The following TRHDE variants were observed in gnomAD, a reference collection of about 807,000 sequenced individuals.
The protein encoded by TRHDE is thyrotropin releasing hormone degrading enzyme.
Under a neutral mutation model 125.7 loss-of-function variants are expected in TRHDE, and 72 were observed. That is an observed-to-expected ratio of 0.57 (90% CI 0.47 to 0.70). The LOEUF (loss-of-function observed/expected upper bound fraction) is 0.70. Among genes scored for constraint, TRHDE ranks in the 30% least tolerant of loss-of-function variants. The pLI is 0.00. For missense variants in TRHDE, 1,110 were observed against 1,327.1 expected (o/e 0.84, Z 2.54); for synonymous variants, 509 against 509.1 (o/e 1.00, Z 0.00).
Position 72,273,638 on chromosome 12 carries a change from C to G in TRHDE, c.914+81C>G. The G allele has an allele frequency of 7.2e-7, 1 of 1,384,288 alleles. No homozygotes were observed. Among genetic ancestry groups the G allele is most frequent in the South Asian group, 1.4e-5 (1 of 73,698 alleles). The allele number at this position is 1,384,288 out of a possible 1,614,324, so 85.8% of individuals were successfully genotyped here. A position where few individuals can be genotyped will look rare whatever the true frequency, so the allele number is the denominator to read the frequency against. ...CTGGGCGGCCTGCGACCCCGGGGAC[C>G]CAGCTGGCTTCCAATACCCGGGAAG... is the stretch of plus-strand genomic sequence containing the variant. On this transcript the variant is annotated intron_variant, in intron 1 of 18. Coordinates refer to ENST00000261180, the MANE Select transcript of TRHDE (RefSeq NM_013381.3). This position sits in a 1 kb window ranked among gnomAD's most constrained non-coding sequence, Gnocchi z 5.3.
In TRHDE at chr12:72,296,484, TC is replaced by T. The variant is rs201721219; in HGVS notation, c.1188+9531del. On this transcript the variant is annotated intron_variant, in intron 2 of 18. Coordinates refer to ENST00000261180, the MANE Select transcript of TRHDE (RefSeq NM_013381.3). ...CAGAAAGACAAAGAACTGTCTCTGT[TC>T]TCCATTAGGAAAGCAGTGCCTGAGT... Among the ~76,000 whole-genome samples, 1,157 of 151,950 alleles carry T rather than the reference TC, an allele frequency of 7.6e-3. 7 individuals are homozygous for T. Among genetic ancestry groups the T allele is most frequent in the Non-Finnish European group, 0.013 (882 of 68,006 alleles).
In TRHDE at chr12:72,621,743, C is replaced by G; in HGVS notation, c.2667C>G (p.Asn889Lys). ...STLISDWISS[N>K]RNRIPLNVRD... ...TTATTTCAGATTGGATTTCCAGCAA[C>G]AGGAACAGGTAAACTGAGCCAAATC... Residue 889 changes from asparagine to lysine, a missense_variant, in exon 15 of 19, where the codon AAC becomes AAG. Asn to Lys is a moderately conservative substitution (Grantham distance 94, BLOSUM62 0). Coordinates refer to ENST00000261180, the MANE Select transcript of TRHDE (RefSeq NM_013381.3). 1.9e-6 allele frequency: 3 copies of G among 1,603,026 alleles called. No homozygotes were observed. The highest frequency in any genetic ancestry group is 2.6e-6 in the Non-Finnish European group (3 of 1,175,858).
upstream of TRHDE, chr12:72,272,313 G>A (rs1003267540): frequency 5.0e-5 from 18 of 361,426 alleles, no homozygotes; most frequent in Admixed American, 1.5e-4. The surrounding 1 kb of genome is among the most constrained non-coding windows in gnomAD (Gnocchi z 6.7). Context: ...GGAGAGCCGG[G>A]AGCCGCAGGC....
At chr12:72,128,196 G>T (rs997909172) in intron 2 of TRHDE, among the ~76,000 whole-genome samples, 1 of 152,042 alleles carries the variant, frequency 6.6e-6, no homozygotes, top group Non-Finnish European at 1.5e-5. Flanking sequence ...CTCAGTAGTG[G>T]GAAATAATTA....
chr12:72,396,169 A>G (rs562656001), intron 3 of TRHDE, among the ~76,000 whole-genome samples: 11 of 152,336 alleles, frequency 7.2e-5, no homozygotes, highest in African/African-American at 2.6e-4. Context: ...AATTATCTTT[A>G]AACAAACAGG....
chr12:72,344,717 A>T (rs892613112), intron 2 of TRHDE, among the ~76,000 whole-genome samples: 5 of 152,058 alleles, frequency 3.3e-5, no homozygotes, highest in African/African-American at 1.2e-4. Context: ...CCCCTAATAC[A>T]TGCAGAAGTG....
At chr12:72,654,897 C>G (rs1874646594) in intron 17 of TRHDE, among the ~76,000 whole-genome samples, 2 of 152,116 alleles carry the variant, frequency 1.3e-5, no homozygotes, top group African/African-American at 4.8e-5. Flanking sequence ...AGCCTCTTCC[C>G]TTCATCCCAA....
chr12:72,398,078 G>T (rs1872879422), intron 3 of TRHDE, among the ~76,000 whole-genome samples: 1 of 149,924 alleles, frequency 6.7e-6, no homozygotes, highest in South Asian at 2.1e-4. Flanking sequence ...GTGAGAATAT[G>T]AGGTGTTTGG....
chr12:72,643,244 A>AT (rs1344341263), intron 15 of TRHDE, among the ~76,000 whole-genome samples: 1 of 152,168 alleles, frequency 6.6e-6, no homozygotes, highest in East Asian at 1.9e-4. Flanking sequence ...CTTCCCTGAT[A>AT]TTTTGAGGAT....
chr12:72,363,868 A>G (rs2135755111), intron 2 of TRHDE, among the ~76,000 whole-genome samples: 1 of 152,134 alleles, frequency 6.6e-6, no homozygotes, highest in Admixed American at 6.5e-5. Context: ...ATATCTAGAA[A>G]ACCCCATTGT....
At position 72,667,966 on chromosome 12, in the gene TRHDE, TTTAAG is replaced by T. The variant is rs1875162013; in HGVS notation, c.*4776_*4780del. ...TATCGGTATCTCACAATGTGTTAAT[TTTAAG>T]TTAATTATATATTCTTTAAAGCAGA... is the stretch of plus-strand genomic sequence containing the variant. On this transcript the variant is annotated 3_prime_UTR_variant, in exon 19 of 19. Coordinates refer to ENST00000261180, the MANE Select transcript of TRHDE (RefSeq NM_013381.3). The T allele has an allele frequency of 6.6e-6, 1 of 151,676 alleles. No individual in the cohort carries two copies. The highest frequency in any genetic ancestry group is 1.5e-5 in the Non-Finnish European group (1 of 67,746). 9.4% of individuals were successfully genotyped at this position (151,676 alleles called of 1,614,324 possible). A position where few individuals can be genotyped will look rare whatever the true frequency, so the allele number is the denominator to read the frequency against.
At chr12:72,459,678 A>G (rs1876033273) in intron 3 of TRHDE, among the ~76,000 whole-genome samples, 3 of 152,050 alleles carry the variant, frequency 2.0e-5, no homozygotes, top group Admixed American at 6.6e-5. Flanking sequence ...GCTGGAGTGC[A>G]GTGACATTAT....
chr12:72,435,250 C>T (rs1874686733), intron 3 of TRHDE, among the ~76,000 whole-genome samples: 1 of 152,212 alleles, frequency 6.6e-6, no homozygotes, highest in South Asian at 2.1e-4. Flanking sequence ...ACCTGGTCCC[C>T]AGATGAATTA....
upstream of TRHDE, chr12:72,272,068 C>T (rs1039212888): frequency 4.4e-6 from 2 of 457,574 alleles, no homozygotes; most frequent in African/African-American, 4.0e-5. The surrounding 1 kb of genome is among the most constrained non-coding windows in gnomAD (Gnocchi z 6.7). Flanking sequence ...CCTTTTCTCT[C>T]CAGCTGCAGG....
intron 3 of TRHDE, among the ~76,000 whole-genome samples, chr12:72,402,684 C>T (rs1324971411): frequency 6.6e-6 from 1 of 152,182 alleles, no homozygotes; most frequent in Non-Finnish European, 1.5e-5. Flanking sequence ...AGGATGTCAA[C>T]TTCTTTCTGC....
chr12:72,163,610 G>C (rs1876681088), intron 2 of TRHDE, among the ~76,000 whole-genome samples: 1 of 152,216 alleles, frequency 6.6e-6, no homozygotes, highest in Non-Finnish European at 1.5e-5. Flanking sequence ...ACAATTACCA[G>C]AGATGTGGGA....
intron 6 of TRHDE, among the ~76,000 whole-genome samples, chr12:72,509,716 A>G (rs1428188606): frequency 1.3e-5 from 2 of 152,074 alleles, no homozygotes; most frequent in African/African-American, 4.8e-5. Context: ...ACTTTCCCCC[A>G]TTGAATGTGA....
At position 72,670,515 on chromosome 12, in the gene TRHDE, G is replaced by A. The variant is rs1282587343; in HGVS notation, c.*7320G>A. On this transcript the variant is annotated 3_prime_UTR_variant, in exon 19 of 19. Transcript: ENST00000261180. ...TTTTAATTTTCTGACATGCAGATAA[G>A]GCCAAAATAAATAATACCATCTGTT... 1 of 151,298 alleles carries A rather than the reference G, an allele frequency of 6.6e-6. No individual in the cohort carries two copies. Among genetic ancestry groups the A allele is most frequent in the Non-Finnish European group, 1.5e-5 (1 of 67,700 alleles). 9.4% of individuals were successfully genotyped at this position (151,298 alleles called of 1,614,324 possible).
intron 3 of TRHDE, among the ~76,000 whole-genome samples, chr12:72,422,170 T>C (rs1873983031): frequency 1.3e-5 from 2 of 152,142 alleles, no homozygotes; most frequent in Admixed American, 1.3e-4. Flanking sequence ...TTCTTTTCAG[T>C]TGGGGTTTTA....
Sources: allele counts gnomAD v4.1 joint callset (sites outside exome capture counted in the v4.1 genomes callset), GRCh38; gene constraint gnomAD v4.1.1; non-coding constraint Gnocchi (gnomAD v3.1); transcripts MANE v1.5; gene names NCBI Gene and HGNC (gene_info 2026-07-23, HGNC 2026-07-21).